The following TAF1B variants were observed in gnomAD, a reference collection of about 807,000 sequenced individuals.
TAF1B encodes the protein TATA-box binding protein associated factor, RNA polymerase I subunit B, also known as TATA box-binding protein-associated factor RNA polymerase I subunit B.
A neutral mutation model predicts 83.9 loss-of-function variants in TAF1B; 61 were observed. The ratio of observed to expected loss-of-function variants is 0.73; its 90% CI spans 0.59 to 0.90. The LOEUF is 0.90. Among genes scored for constraint, TAF1B ranks in the 40% least tolerant of loss-of-function variants. TAF1B has a pLI of 0.00. For missense variants in TAF1B, 625 were observed against 677.0 expected (o/e 0.92, Z 0.85); for synonymous variants, 221 against 224.6 (o/e 0.98, Z 0.14).
intron 8 of TAF1B, among the ~76,000 whole-genome samples, chr2:9,904,363 A>G (rs748337977): frequency 8.5e-5 from 13 of 152,054 alleles, no homozygotes; most frequent in Non-Finnish European, 1.5e-4. Flanking sequence ...CAGTATTTGG[A>G]TTTTTGTTAC....
Position 9,849,337 on chromosome 2 carries a change from C to G in TAF1B, c.118-36C>G, listed in dbSNP as rs373336787. 5 of 1,502,832 alleles carry G rather than the reference C, an allele frequency of 3.3e-6. No individual in the cohort carries two copies. The African/African-American group carries it at 7.1e-5, about 21-fold the overall frequency. 93.1% of individuals were successfully genotyped at this position (1,502,832 alleles called of 1,614,324 possible). On this transcript the variant is annotated intron_variant, in intron 2 of 14. Coordinates refer to ENST00000263663, the MANE Select transcript of TAF1B (RefSeq NM_005680.3). ...GAAAAATGCTTAGGGGGATGTAAAA[C>G]GATCTTTTTTAATGGTCTTTTTCTC... is the stretch of plus-strand genomic sequence containing the variant.
chr2:9,874,436 A>T (rs1362710035), intron 6 of TAF1B, among the ~76,000 whole-genome samples: 3 of 152,020 alleles, frequency 2.0e-5, no homozygotes, highest in Admixed American at 6.6e-5. Context: ...ACTATCTGTC[A>T]AATGTAATTT....
chr2:9,896,642 A>AAAAT lies in TAF1B; in HGVS notation c.808-8217_808-8216insAAAT, dbSNP rs66506343. 5.8e-4 allele frequency among the ~76,000 whole-genome samples: 76 copies of AAAAT among 130,158 alleles called. No individual in the cohort carries two copies. The South Asian group carries it at 8.4e-3, about 14-fold the overall frequency. 85.4% of individuals were successfully genotyped at this position (130,158 alleles called of 152,430 possible). On this transcript the variant is annotated intron_variant, in intron 8 of 14. Transcript: ENST00000263663. Reference sequence around the variant, plus strand: ...AACCAAAAAAAAAAAAAAAAAAAAAAGCTTTAAAAACCCTTTTCAAACCTT... The same window carrying AAAAT: ...AACCAAAAAAAAAAAAAAAAAAAAAAAAATGCTTTAAAAACCCTTTTCAAACCTT...
chr2:9,902,227 C>CTT (rs35648389), intron 8 of TAF1B, among the ~76,000 whole-genome samples: 6 of 144,226 alleles, frequency 4.2e-5, no homozygotes, highest in Middle Eastern at 3.2e-3. Context: ...ATATATGAAG[C>CTT]TTTTTTTTTT....
In TAF1B at chr2:9,910,759, C is replaced by T. The variant is rs1665504200; in HGVS notation, c.979C>T (p.His327Tyr). 1.9e-6 allele frequency: 3 copies of T among 1,610,344 alleles called. No homozygotes were observed. The highest frequency in any genetic ancestry group is 2.7e-5 in the African/African-American group (2 of 74,804). Residue 327 changes from histidine to tyrosine, a missense_variant, in exon 10 of 15, where the codon CAC (histidine) becomes TAC (tyrosine). By Grantham distance (83) the His-to-Tyr change is moderately conservative (BLOSUM62 2). Transcript: ENST00000263663. ...AGATGAAATGCATAGCTTAACTTGC[C>T]ACGTGGTAAAAATGACTGGAATGGG... ...LPDEMHSLTC[H>Y]VVKMTGMGEV...
chr2:9,919,199 G>GT, intron 13 of TAF1B, 88 bp downstream of exon 13: 1 of 1,163,840 alleles, frequency 8.6e-7, no homozygotes, highest in Non-Finnish European at 1.3e-6. Context: ...GAATGCTTAA[G>GT]TTTTTTACTT....
chr2:9,844,289 A>G (rs1326742123), intron 1 of TAF1B: 2 of 151,812 alleles, frequency 1.3e-5, no homozygotes, highest in South Asian at 2.1e-4. Flanking sequence ...AGCTAGGGCT[A>G]CAGACATGCA....
In TAF1B at chr2:9,845,078, A is replaced by G. The variant is rs564506428; in HGVS notation, c.19-142A>G. ...CCGCGCCTCTCCTTGTTTGCGGATA[A>G]TCTCTCTGACATATTTTTTATTGTC... On this transcript the variant is annotated intron_variant, in intron 1 of 14. Transcript: ENST00000263663. The G allele has an allele frequency of 1.2e-5, 6 of 499,768 alleles. No homozygotes were observed. The South Asian group carries it at 2.2e-4, about 19-fold the overall frequency. The allele number at this position is 499,768 out of a possible 1,614,324, so 31.0% of individuals were successfully genotyped here. A position where few individuals can be genotyped will look rare whatever the true frequency, so the allele number is the denominator to read the frequency against.
rs951034082 is a variant in TAF1B at position 9,911,962 on chromosome 2, G to A, written c.1180+405G>A. On this transcript the variant is annotated intron_variant, in intron 11 of 14. Transcript: ENST00000263663. The stretch of plus-strand genomic sequence containing the variant: ...CCCTGGCAAATGCCTCTTTATTCTT[G>A]AAGATGCAGCATAAACACCACTCTT... Among the ~76,000 whole-genome samples the A allele has an allele frequency of 4.0e-4, 61 of 152,164 alleles. 1 individual carries two copies. Among genetic ancestry groups the A allele is most frequent in the Non-Finnish European group, 1.0e-4 (7 of 68,024 alleles).
At chr2:9,892,375 A>G (rs571811346) in intron 8 of TAF1B, among the ~76,000 whole-genome samples, 9 of 152,282 alleles carry the variant, frequency 5.9e-5, no homozygotes, top group Admixed American at 2.0e-4. Flanking sequence ...ACGCATGACT[A>G]TACATTATTA....
At position 9,845,328 on chromosome 2, in the gene TAF1B, A is replaced by C. The variant is rs1373978378; in HGVS notation, c.117+10A>C. On this transcript the variant is annotated intron_variant, in intron 2 of 14. Transcript: ENST00000263663. ...CCACAATGTTACAGAGGTAAGTAAC[A>C]AATATCATTTATGAATTTGCTTATG... 1 of 1,607,370 alleles carries C rather than the reference A, an allele frequency of 6.2e-7. No homozygotes were observed. Among genetic ancestry groups the C allele is most frequent in the East Asian group, 2.2e-5 (1 of 44,818 alleles).
In TAF1B at chr2:9,876,011, C is replaced by A; in HGVS notation, c.700C>A (p.Leu234Ile). The A allele has an allele frequency of 6.2e-7, 1 of 1,607,612 alleles. No individual in the cohort carries two copies. Among genetic ancestry groups the A allele is most frequent in the South Asian group, 1.1e-5 (1 of 90,546 alleles). The change falls in exon 7 of 15, where the codon CTT becomes ATT. Residue 234 changes from leucine (L) to isoleucine (I), a missense_variant. Transcript: ENST00000263663. ...WQREAITLSDLLRFVEEDHIP... is the reference protein window; with the variant it reads ...WQREAITLSDILRFVEEDHIP... The stretch of plus-strand genomic sequence containing the variant: ...GAGAGAAGCAATAACACTTTCAGAT[C>A]TTTTGAGGTTAGCTAGACCTCTTGT...
At chr2:9,846,510 G>C (rs1201743591) in intron 2 of TAF1B, among the ~76,000 whole-genome samples, 3 of 152,212 alleles carry the variant, frequency 2.0e-5, no homozygotes, top group Non-Finnish European at 4.4e-5. Flanking sequence ...AAAAGTAACT[G>C]TGTAGACTTC....
intron 5 of TAF1B, among the ~76,000 whole-genome samples, chr2:9,862,045 TCC>T (rs1663787642): frequency 6.7e-6 from 1 of 148,836 alleles, no homozygotes; most frequent in Admixed American, 6.7e-5. Context: ...ACGCCTCTCC[TCC>T]AAAGGAACGC....
At chr2:9,882,345 G>A (rs1365632183) in intron 7 of TAF1B, among the ~76,000 whole-genome samples, 1 of 152,130 alleles carries the variant, frequency 6.6e-6, no homozygotes, top group Non-Finnish European at 1.5e-5. Context: ...TGATCCGCTT[G>A]CCTTGGCCTC....
chr2:9,878,719 T>C (rs919673098), intron 7 of TAF1B, among the ~76,000 whole-genome samples: 1 of 152,208 alleles, frequency 6.6e-6, no homozygotes, highest in Non-Finnish European at 1.5e-5. Context: ...ACCCTTGCGA[T>C]GCAGTTGTGA....
intron 14 of TAF1B, among the ~76,000 whole-genome samples, chr2:9,931,617 A>C (rs1666214471): frequency 1.3e-5 from 2 of 151,882 alleles, no homozygotes; most frequent in South Asian, 4.2e-4. Flanking sequence ...CTTCATTTCA[A>C]CCTTGGTGAA....
chr2:9,885,815 T>C (rs944055185), intron 8 of TAF1B, among the ~76,000 whole-genome samples: 5 of 151,920 alleles, frequency 3.3e-5, no homozygotes, highest in Admixed American at 2.6e-4. Flanking sequence ...TCAAGTTATA[T>C]TGATAATTTT....
chr2:9,884,867 C>G (rs968017309), intron 8 of TAF1B, among the ~76,000 whole-genome samples: 2 of 152,078 alleles, frequency 1.3e-5, no homozygotes, highest in Non-Finnish European at 2.9e-5. Flanking sequence ...AACCTGCCCT[C>G]AGAGAGGAGC....
Sources: gnomAD v4.1 joint callset for allele counts (sites outside exome capture counted in the v4.1 genomes callset) on GRCh38, gnomAD v4.1.1 for gene constraint, MANE v1.5 for transcripts, NCBI Gene and HGNC (gene_info 2026-07-23, HGNC 2026-07-21) for gene names.